Variants in EHD4 observed in about 807,000 individuals in gnomAD.
EHD4 encodes the protein EH domain-containing protein 4.
A neutral mutation model predicts 51.0 loss-of-function variants in EHD4; 37 were observed. The observed-to-expected ratio is 0.73, with a 90% CI of 0.56 to 0.95. The LOEUF is 0.95. Among genes scored for constraint, EHD4 ranks in the 40% least tolerant of loss-of-function variants. EHD4 has a pLI of 0.00. For missense variants in EHD4, 632 were observed against 733.1 expected (o/e 0.86, Z 1.59); for synonymous variants, 297 against 317.3 (o/e 0.94, Z 0.68).
At chr15:41,905,868 C>T (rs1395582369) in intron 5 of EHD4, among the ~76,000 whole-genome samples, 1 of 152,210 alleles carries the variant, frequency 6.6e-6, no homozygotes, top group Non-Finnish European at 1.5e-5. Flanking sequence ...TATCGGGTCC[C>T]ACTATGTTGC....
chr15:41,946,424 G>A (rs1026039664), intron 2 of EHD4, among the ~76,000 whole-genome samples: 2 of 152,156 alleles, frequency 1.3e-5, no homozygotes, highest in African/African-American at 4.8e-5. Context: ...TAGGAGTCCT[G>A]CCACACAGTA....
chr15:41,942,149 CA>C (rs1251011164), intron 3 of EHD4: 1 of 152,248 alleles, frequency 6.6e-6, no homozygotes, highest in Non-Finnish European at 1.5e-5. Flanking sequence ...CCCTCCCGAT[CA>C]GGCATTTCCT....
chr15:41,904,365 C>G (rs911528528), intron 5 of EHD4, among the ~76,000 whole-genome samples: 3 of 152,016 alleles, frequency 2.0e-5, no homozygotes, highest in Admixed American at 6.5e-5. Context: ...TGTGGTCCCC[C>G]CCAGGCTTGA....
chr15:41,932,288 G>A (rs1230863969), intron 3 of EHD4, among the ~76,000 whole-genome samples: 1 of 152,230 alleles, frequency 6.6e-6, no homozygotes, highest in Non-Finnish European at 1.5e-5. Flanking sequence ...TCCCGCCAGG[G>A]CTCCACGTGA....
intron 1 of EHD4, among the ~76,000 whole-genome samples, chr15:41,963,848 A>G (rs916907357): frequency 2.0e-5 from 3 of 152,156 alleles, no homozygotes; most frequent in African/African-American, 7.2e-5. Context: ...ACATTTATTT[A>G]TAAGAACAAG....
chr15:41,919,214 G>C lies in EHD4; in HGVS notation c.920C>G (p.Ala307Gly), dbSNP rs1224744463. Residue 307 changes from alanine (A) to glycine (G), a missense_variant, in exon 4 of 6, where the codon GCC becomes GGC. Transcript: ENST00000220325. ...GCAAGGCATCTCCTGGCTTACCTTG[G>C]CCAGCCTCGCTCGCTTGATGAGGTC... ...LNDLIKRARL[A>G]KVHAYIISYL... 2 of 1,613,700 alleles carry C rather than the reference G, an allele frequency of 1.2e-6. No individual in the cohort carries two copies. Among genetic ancestry groups the C allele is most frequent in the Middle Eastern group, 1.7e-4 (1 of 5,912 alleles).
chr15:41,963,403 A>G (rs988204673), intron 1 of EHD4, among the ~76,000 whole-genome samples: 2 of 152,028 alleles, frequency 1.3e-5, no homozygotes, highest in African/African-American at 4.8e-5. Flanking sequence ...GTTCGAGACC[A>G]GCCTGGTTAA....
chr15:41,931,827 C>T (rs2067700744), intron 3 of EHD4, among the ~76,000 whole-genome samples: 1 of 152,010 alleles, frequency 6.6e-6, no homozygotes, highest in African/African-American at 2.4e-5. Context: ...CAGGCGCACG[C>T]CACCACGCCT....
chr15:41,971,797 C>T (rs1055646857), intron 1 of EHD4, among the ~76,000 whole-genome samples: 1 of 152,184 alleles, frequency 6.6e-6, no homozygotes, highest in Non-Finnish European at 1.5e-5. Flanking sequence ...CTGGGCGATA[C>T]GCTCTCCTGC....
chr15:41,925,945 T>C lies in EHD4; in HGVS notation c.512-6323A>G, dbSNP rs182039693. 2.0e-5 allele frequency: 3 copies of C among 152,278 alleles called. No individual in the cohort carries two copies. The East Asian group carries it at 5.8e-4, about 29-fold the overall frequency. The allele number at this position is 152,278 out of a possible 1,614,324, so 9.4% of individuals were successfully genotyped here. A position where few individuals can be genotyped will look rare whatever the true frequency, so the allele number is the denominator to read the frequency against. ...ACAGTTGCTCCCTGGCTCAGGTAAATATAGCACGGGGGTCCCTGAGGAAGC... is the reference window on the plus strand; with the variant it reads ...ACAGTTGCTCCCTGGCTCAGGTAAACATAGCACGGGGGTCCCTGAGGAAGC... On this transcript the variant is annotated intron_variant, in intron 3 of 5. Coordinates refer to ENST00000220325, the MANE Select transcript of EHD4 (RefSeq NM_139265.4).
chr15:41,901,419 C>T (rs747750608), intron 5 of EHD4, among the ~76,000 whole-genome samples: 12 of 152,232 alleles, frequency 7.9e-5, no homozygotes, highest in Non-Finnish European at 7.3e-5. Flanking sequence ...GCATGAGCGA[C>T]AGCAACCTCC....
intron 4 of EHD4, among the ~76,000 whole-genome samples, chr15:41,913,556 A>G (rs2067563609): frequency 6.6e-6 from 1 of 152,232 alleles, no homozygotes; most frequent in Non-Finnish European, 1.5e-5. Context: ...AACAACATTC[A>G]TCTCACAGAG....
intron 2 of EHD4, among the ~76,000 whole-genome samples, chr15:41,945,622 G>A (rs1014279364): frequency 4.6e-5 from 7 of 152,246 alleles, no homozygotes; most frequent in African/African-American, 1.4e-4. Flanking sequence ...GGGCAGGCAA[G>A]AGAACAGAAA....
intron 1 of EHD4, among the ~76,000 whole-genome samples, chr15:41,967,010 A>C (rs2067965876): frequency 6.6e-6 from 1 of 152,134 alleles, no homozygotes; most frequent in South Asian, 2.1e-4. Flanking sequence ...TGAGCTCCAG[A>C]CCCATGTCTT....
intron 2 of EHD4, among the ~76,000 whole-genome samples, chr15:41,952,393 C>A (rs75573641): frequency 6.6e-6 from 1 of 151,940 alleles, no homozygotes; most frequent in African/African-American, 2.4e-5. Context: ...ATCAGCCACA[C>A]GAAAGCTAGA....
chr15:41,926,771 C>T (rs1284600037), intron 3 of EHD4, among the ~76,000 whole-genome samples: 1 of 152,224 alleles, frequency 6.6e-6, no homozygotes, highest in East Asian at 1.9e-4. Flanking sequence ...ACTGCACAAA[C>T]CACACTGGGC....
At chr15:41,930,946 G>A (rs1033659640) in intron 3 of EHD4, among the ~76,000 whole-genome samples, 1 of 152,162 alleles carries the variant, frequency 6.6e-6, no homozygotes, top group East Asian at 1.9e-4. Context: ...ATGAAAAGAT[G>A]CTCAACCACA....
At position 41,905,367 on chromosome 15, in the gene EHD4, A is replaced by G. The variant is rs941944907; in HGVS notation, c.1090-4186T>C. On this transcript the variant is annotated intron_variant, in intron 5 of 5. Transcript: ENST00000220325. ...TTGGCACGGGGAACCCCTGGTCTAT[A>G]AGCCCTGTGGGAATCGAGGCTGCGT... 1.3e-5 allele frequency among the ~76,000 whole-genome samples: 2 copies of G among 152,152 alleles called. 1 individual carries two copies. The highest frequency in any genetic ancestry group is 1.3e-4 in the Admixed American group (2 of 15,280).
chr15:41,914,394 T>C (rs1370361491), intron 4 of EHD4, among the ~76,000 whole-genome samples: 1 of 152,194 alleles, frequency 6.6e-6, no homozygotes, highest in Non-Finnish European at 1.5e-5. Flanking sequence ...TTAATAAGCC[T>C]GAGACCCAAA....
Sources: allele counts gnomAD v4.1 joint callset (sites outside exome capture counted in the v4.1 genomes callset), GRCh38; gene constraint gnomAD v4.1.1; transcripts MANE v1.5; gene names NCBI Gene and HGNC (gene_info 2026-07-23, HGNC 2026-07-21).